CPD: variants seen among roughly 807,000 people sequenced by gnomAD.
CPD encodes metallocarboxypeptidase D.
In CPD, 69 loss-of-function variants were observed where a neutral mutation model predicts 138.3. The ratio of observed to expected loss-of-function variants is 0.50; its 90% CI spans 0.41 to 0.61. The LOEUF (loss-of-function observed/expected upper bound fraction) is 0.61. Ranked by LOEUF, CPD falls within the 20% of genes least tolerant of loss-of-function variation. The probability of loss-of-function intolerance (pLI) is 0.00; values close to 1 mark genes in which losing one functional copy is unlikely to be tolerated. For missense variants in CPD, 1,432 were observed against 1,733.3 expected, an observed-to-expected ratio of 0.83 and a Z score of 3.09; for synonymous variants, 651 against 642.1, an observed-to-expected ratio of 1.01 and a Z score of -0.21.
intron 2 of CPD, among the ~76,000 whole-genome samples, chr17:30,400,574 C>T (rs1911627221): frequency 1.3e-5 from 2 of 149,462 alleles, no homozygotes; most frequent in African/African-American, 4.9e-5. Flanking sequence ...CCTTCTTTAG[C>T]ATTTCTTTTA....
chr17:30,413,757 A>T (rs1912027935), intron 2 of CPD, among the ~76,000 whole-genome samples: 1 of 152,242 alleles, frequency 6.6e-6, no homozygotes, highest in South Asian at 2.1e-4. Context: ...TAGAAAAAGC[A>T]ACAAGGTAGA....
chr17:30,443,565 G>A (rs1204834520), intron 10 of CPD, among the ~76,000 whole-genome samples: 5 of 152,136 alleles, frequency 3.3e-5, no homozygotes, highest in Non-Finnish European at 1.5e-5. Flanking sequence ...ATCAGAATGT[G>A]CTAAAGTTTA....
chr17:30,390,933 G>A (rs559608018), intron 2 of CPD, among the ~76,000 whole-genome samples: 4 of 151,806 alleles, frequency 2.6e-5, no homozygotes, highest in South Asian at 4.2e-4. Flanking sequence ...GGGTTCAAGC[G>A]ATTCTAGTGC....
At position 30,461,861 on chromosome 17, in the gene CPD, T is replaced by C. The variant is rs755773672; in HGVS notation, c.3631-16T>C. 11 of 1,573,076 alleles carry C rather than the reference T, an allele frequency of 7.0e-6. No individual in the cohort carries two copies. The East Asian group carries it at 2.5e-4, about 35-fold the overall frequency. ...CATTATGACAACATAAATTTATATT[T>C]TAAACATTTTTTCAGGTTCACAAGG... On this transcript the variant is annotated splice_polypyrimidine_tract_variant and intron_variant, in intron 18 of 20. Transcript: ENST00000225719.
chr17:30,411,329 A>G (rs750898661), intron 2 of CPD, among the ~76,000 whole-genome samples: 1 of 152,010 alleles, frequency 6.6e-6, no homozygotes, highest in Non-Finnish European at 1.5e-5. Flanking sequence ...TCTGACAATT[A>G]TGTGTCTTGG....
intron 3 of CPD, 66 bp downstream of exon 3, chr17:30,421,049 C>T: frequency 2.2e-6 from 3 of 1,391,998 alleles, no homozygotes; most frequent in South Asian, 2.5e-5. Flanking sequence ...AATTTGGATG[C>T]ATGTGAATGA....
chr17:30,442,264 T>A lies in CPD; in HGVS notation c.2231-44T>A, dbSNP rs773335578. The A allele has an allele frequency of 1.9e-6, 3 of 1,592,960 alleles. No homozygotes were observed. The Admixed American group carries it at 5.1e-5, about 27-fold the overall frequency. On this transcript the variant is annotated intron_variant, in intron 9 of 20. Transcript: ENST00000225719. ...GCTTACCTTTTGGGATCTGAGCTGT[T>A]TAGAACTTCTTCAGAGTGACTAATT...
At chr17:30,429,653 A>G (rs1489899875) in intron 7 of CPD, among the ~76,000 whole-genome samples, 4 of 152,208 alleles carry the variant, frequency 2.6e-5, no homozygotes, top group Admixed American at 2.6e-4. Context: ...GGGGGAGTTC[A>G]TAGGAAAGAC....
chr17:30,423,189 C>G (rs545728112), intron 5 of CPD, among the ~76,000 whole-genome samples, 166 bp downstream of exon 5: 1 of 152,084 alleles, frequency 6.6e-6, no homozygotes, highest in East Asian at 1.9e-4. Flanking sequence ...CAATCTTTTC[C>G]CAGAAGAGAA....
intron 10 of CPD, among the ~76,000 whole-genome samples, chr17:30,443,047 T>A (rs1306699355): frequency 1.3e-5 from 2 of 152,122 alleles, no homozygotes; most frequent in Non-Finnish European, 2.9e-5. Context: ...TTCTGAAAAA[T>A]TTTAAATATA....
chr17:30,456,593 G>C (rs1453319672), intron 17 of CPD, 67 bp downstream of exon 17: 2 of 1,522,848 alleles, frequency 1.3e-6, no homozygotes, highest in Non-Finnish European at 1.8e-6. Context: ...TGTAAACCCA[G>C]TGCTTTGGGA....
chr17:30,379,042 G>A lies in CPD; in HGVS notation c.62G>A (p.Cys21Tyr), dbSNP rs758667162. The A allele has an allele frequency of 6.4e-7, 1 of 1,562,028 alleles. No homozygotes were observed. The highest frequency in any genetic ancestry group is 1.2e-5 in the South Asian group (1 of 86,594). Residue 21 changes from cysteine (C) to tyrosine (Y), a missense_variant, in exon 1 of 21, where the codon TGC becomes TAC. Coordinates refer to ENST00000225719, the MANE Select transcript of CPD (RefSeq NM_001304.5). The surrounding 1 kb of genome is among the most constrained non-coding windows in gnomAD (Gnocchi z 7.0). Reference protein sequence around the residue: ...WRLGRLLLLMCLLLLGSSARA... With the variant: ...WRLGRLLLLMYLLLLGSSARA... The stretch of plus-strand genomic sequence containing the variant: ...CTAGGGCGGCTCCTGTTGCTCATGT[G>A]CCTGCTGCTGCTGGGGAGCTCGGCC...
intron 8 of CPD, among the ~76,000 whole-genome samples, chr17:30,435,062 G>A (rs563116249): frequency 1.1e-4 from 17 of 152,066 alleles, no homozygotes; most frequent in Non-Finnish European, 1.6e-4. Flanking sequence ...CCAAATATAC[G>A]TTGAGAATAT....
chr17:30,449,904 A>G (rs1304728121), intron 13 of CPD, among the ~76,000 whole-genome samples, 156 bp downstream of exon 13: 1 of 152,194 alleles, frequency 6.6e-6, no homozygotes, highest in African/African-American at 2.4e-5. Context: ...CCATCTTTGT[A>G]GTATATACCC....
chr17:30,381,488 T>C (rs1298155053), intron 1 of CPD, among the ~76,000 whole-genome samples: 4 of 152,192 alleles, frequency 2.6e-5, no homozygotes, highest in East Asian at 1.9e-4. Flanking sequence ...CCTAATCATA[T>C]CTGTTCTTCA....
chr17:30,408,505 C>T (rs1237318312), intron 2 of CPD, among the ~76,000 whole-genome samples: 2 of 152,120 alleles, frequency 1.3e-5, no homozygotes, highest in African/African-American at 4.8e-5. Context: ...TGTAGTTCTC[C>T]TTGAAAAGGT....
chr17:30,460,176 A>C (rs906627609), intron 17 of CPD, among the ~76,000 whole-genome samples: 10 of 152,196 alleles, frequency 6.6e-5, no homozygotes, highest in Non-Finnish European at 1.5e-4. Context: ...GTGAAGCAGA[A>C]CATTCCAGAA....
chr17:30,385,521 C>T (rs954923260), intron 2 of CPD, among the ~76,000 whole-genome samples: 1 of 146,822 alleles, frequency 6.8e-6, no homozygotes, highest in Admixed American at 6.8e-5. Context: ...CACACACACA[C>T]ACACACACAC....
At chr17:30,459,178 C>CTT (rs34962593) in intron 17 of CPD, among the ~76,000 whole-genome samples, 21 of 113,204 alleles carry the variant, frequency 1.9e-4, no homozygotes, top group East Asian at 1.7e-3. Flanking sequence ...TGTTGTTTTC[C>CTT]TTTTTTTTAA....
Sources: gnomAD v4.1 joint callset for allele counts (sites outside exome capture counted in the v4.1 genomes callset) on GRCh38, gnomAD v4.1.1 for gene constraint, Gnocchi (gnomAD v3.1) non-coding constraint, MANE v1.5 for transcripts, NCBI Gene and HGNC (gene_info 2026-07-23, HGNC 2026-07-21) for gene names.